NFX1: variants seen among roughly 807,000 people sequenced by gnomAD.
NFX1 encodes transcriptional repressor NF-X1.
Under a neutral mutation model 137.2 loss-of-function variants are expected in NFX1, and 69 were observed. The observed-to-expected ratio is 0.50, with a 90% CI of 0.41 to 0.61. The LOEUF (loss-of-function observed/expected upper bound fraction) is 0.61. Ranked by LOEUF, NFX1 falls within the 20% of genes least tolerant of loss-of-function variation. NFX1 has a pLI of 0.00. For missense variants in NFX1, 1,167 were observed against 1,391.0 expected (o/e 0.84, Z 2.56); for synonymous variants, 495 against 474.1 (o/e 1.04, Z -0.57).
rs1283843010 is a variant in NFX1 at position 33,354,879 on chromosome 9, T to A, written c.2860T>A (p.Leu954Met). ...RLECDEECSA[L>M]ERKKRLAEAF... ...GGAGTGTGATGAGGAGTGTTCAGCCTTGGAAAGGAAAAAGTAAGTAGTTGC... is the reference window on the plus strand; with the variant it reads ...GGAGTGTGATGAGGAGTGTTCAGCCATGGAAAGGAAAAAGTAAGTAGTTGC... The change falls in exon 19 of 24, where the codon TTG (leucine) becomes ATG (methionine). Residue 954 changes from leucine to methionine, a missense_variant. Transcript: ENST00000379540. The A allele has an allele frequency of 1.2e-6, 2 of 1,613,972 alleles. No homozygotes were observed. The highest frequency in any genetic ancestry group is 2.2e-5 in the South Asian group (2 of 91,052).
chr9:33,344,937 G>A (rs919609950), intron 14 of NFX1, among the ~76,000 whole-genome samples: 5 of 152,114 alleles, frequency 3.3e-5, no homozygotes, highest in Non-Finnish European at 5.9e-5. Context: ...TGAGATGGGC[G>A]GGTCACTTGA....
intron 12 of NFX1, among the ~76,000 whole-genome samples, chr9:33,339,219 C>T (rs1276859307): frequency 3.3e-5 from 5 of 152,026 alleles, no homozygotes; most frequent in Non-Finnish European, 5.9e-5. Context: ...ATACCCAAGA[C>T]TAGGGAAGTT....
intron 9 of NFX1, among the ~76,000 whole-genome samples, chr9:33,321,252 C>A (rs973663797): frequency 6.6e-6 from 1 of 152,032 alleles, no homozygotes; most frequent in Non-Finnish European, 1.5e-5. Flanking sequence ...TGGGATGGGA[C>A]AAGACCAGGT....
intron 14 of NFX1, among the ~76,000 whole-genome samples, chr9:33,345,091 G>A (rs1823368065): frequency 6.6e-6 from 1 of 152,062 alleles, no homozygotes; most frequent in Non-Finnish European, 1.5e-5. Context: ...GAATCCGGGA[G>A]GCAGAGGTTG....
At chr9:33,308,809 A>C (rs987492677) in intron 5 of NFX1, among the ~76,000 whole-genome samples, 1 of 152,054 alleles carries the variant, frequency 6.6e-6, no homozygotes, top group African/African-American at 2.4e-5. Flanking sequence ...CAGACATCAG[A>C]GTGTTATCTT....
At chr9:33,351,304 TC>T (rs1348671859) in intron 15 of NFX1, among the ~76,000 whole-genome samples, 3 of 150,112 alleles carry the variant, frequency 2.0e-5, no homozygotes, top group Non-Finnish European at 4.4e-5. Flanking sequence ...AAAAAAAAAT[TC>T]AAAAATTAGC....
Position 33,315,125 on chromosome 9 carries a change from T to C in NFX1, c.1588+1332T>C, listed in dbSNP as rs576361087. Among the ~76,000 whole-genome samples the C allele has an allele frequency of 2.8e-4, 42 of 151,944 alleles. 1 individual carries two copies. The highest frequency in any genetic ancestry group is 9.9e-4 in the African/African-American group (41 of 41,374). On this transcript the variant is annotated intron_variant, in intron 7 of 23. Coordinates refer to ENST00000379540, the MANE Select transcript of NFX1 (RefSeq NM_002504.6). Reference sequence around the variant, plus strand: ...CCGGTAATCCCAGGTACTTGGAGGCTGAGGCAGGAGAATCGCTTGAACCTG... The same window carrying C: ...CCGGTAATCCCAGGTACTTGGAGGCCGAGGCAGGAGAATCGCTTGAACCTG...
intron 11 of NFX1, 106 bp from the exon 12 acceptor site, chr9:33,338,404 A>G (rs1038877905): frequency 4.0e-5 from 39 of 979,916 alleles, no homozygotes; most frequent in Non-Finnish European, 5.8e-5. Context: ...TTACAATTGT[A>G]TTATTACTAT....
intron 19 of NFX1, among the ~76,000 whole-genome samples, chr9:33,360,043 AG>A (rs1389712728): frequency 6.6e-6 from 1 of 152,208 alleles, no homozygotes; most frequent in Non-Finnish European, 1.5e-5. Context: ...ATAACTTTCT[AG>A]TGAGTGCCGT....
chr9:33,333,876 G>T (rs1345267682), intron 11 of NFX1, among the ~76,000 whole-genome samples: 1 of 152,258 alleles, frequency 6.6e-6, no homozygotes, highest in African/African-American at 2.4e-5. Context: ...CAAGCCTGGT[G>T]GCTCATGCCT....
At position 33,290,558 on chromosome 9, in the gene NFX1, G is replaced by T. The variant is rs1286504130; in HGVS notation, c.-15G>T. 1 of 1,614,040 alleles carries T rather than the reference G, an allele frequency of 6.2e-7. No homozygotes were observed. The highest frequency in any genetic ancestry group is 1.7e-5 in the Admixed American group (1 of 60,030). On this transcript the variant is annotated 5_prime_UTR_variant, in exon 1 of 24. Transcript: ENST00000379540. ...GACTTGGCTGTACAGCTCGATCTAGGTTCTGCGGCACGGGATGGCGGAGGC... is the reference window on the plus strand; with the variant it reads ...GACTTGGCTGTACAGCTCGATCTAGTTTCTGCGGCACGGGATGGCGGAGGC...
At chr9:33,307,887 G>GCCGCCT (rs1821815868) in intron 5 of NFX1, among the ~76,000 whole-genome samples, 1 of 142,678 alleles carries the variant, frequency 7.0e-6, no homozygotes, top group Non-Finnish European at 1.5e-5. Flanking sequence ...CACTGCAACC[G>GCCGCCT]CCGCCTCTTG....
chr9:33,344,828 T>C (rs1032959727), intron 14 of NFX1, among the ~76,000 whole-genome samples: 3 of 150,768 alleles, frequency 2.0e-5, no homozygotes, highest in African/African-American at 7.3e-5. Flanking sequence ...ATCGCACCAC[T>C]GCACTCCAGC....
At chr9:33,346,757 T>C (rs1284985541) in intron 14 of NFX1, among the ~76,000 whole-genome samples, 3 of 152,196 alleles carry the variant, frequency 2.0e-5, no homozygotes, top group Admixed American at 1.3e-4. Context: ...GGATGGACCA[T>C]ATGGCTGTGC....
At chr9:33,366,503 C>T in intron 21 of NFX1, 126 bp from the exon 22 acceptor site, 2 of 1,128,334 alleles carry the variant, frequency 1.8e-6, no homozygotes, top group Non-Finnish European at 1.3e-6. Context: ...TAGTAAAATG[C>T]TCTATGCTGT....
At chr9:33,350,021 A>T (rs1165669731) in intron 15 of NFX1, among the ~76,000 whole-genome samples, 3 of 152,080 alleles carry the variant, frequency 2.0e-5, no homozygotes, top group Admixed American at 2.0e-4. Context: ...AAAACAAAAC[A>T]GGCCAGGCGT....
chr9:33,303,004 G>A (rs1821630015), intron 3 of NFX1, among the ~76,000 whole-genome samples, 187 bp from the exon 4 acceptor site: 1 of 141,352 alleles, frequency 7.1e-6, no homozygotes, highest in Non-Finnish European at 1.5e-5. Flanking sequence ...CCCATATTTA[G>A]TGGAAAATGC....
intron 12 of NFX1, 98 bp downstream of exon 12, chr9:33,338,687 T>C (rs1823105350): frequency 1.9e-6 from 2 of 1,046,418 alleles, no homozygotes; most frequent in East Asian, 5.0e-5. Context: ...GATTTAAAAG[T>C]CACTGGGACA....
chr9:33,362,964 A>G (rs1381726568), intron 19 of NFX1, among the ~76,000 whole-genome samples: 1 of 151,924 alleles, frequency 6.6e-6, no homozygotes, highest in Non-Finnish European at 1.5e-5. Context: ...TCGGCCTCCC[A>G]AAGTGCTGGG....
Sources: allele counts gnomAD v4.1 joint callset (sites outside exome capture counted in the v4.1 genomes callset), GRCh38; gene constraint gnomAD v4.1.1; transcripts MANE v1.5; gene names NCBI Gene and HGNC (gene_info 2026-07-23, HGNC 2026-07-21).